IL1RAPL2: variants seen among roughly 807,000 people sequenced by gnomAD.
IL1RAPL2 encodes X-linked interleukin-1 receptor accessory protein-like 2.
IL1RAPL2 carries 3 observed loss-of-function variants against 44.1 expected under a neutral mutation model. The ratio of observed to expected loss-of-function variants is 0.07; its 90% CI spans 0.03 to 0.18. The LOEUF (loss-of-function observed/expected upper bound fraction) is 0.18, where lower values mean the gene tolerates loss of function less well. Ranked by LOEUF, IL1RAPL2 falls within the 10% of genes least tolerant of loss-of-function variation. The probability of loss-of-function intolerance (pLI) is 1.00; values close to 1 mark genes in which losing one functional copy is unlikely to be tolerated. For synonymous variants in IL1RAPL2, 181 were observed against 178.8 expected (o/e 1.01, Z -0.10); for missense variants, 391 against 496.4 (o/e 0.79, Z 2.02).
chrX:104,730,556 C>A (rs1367983860), intron 2 of IL1RAPL2, among the ~76,000 whole-genome samples: 1 of 105,889 alleles, frequency 9.4e-6, no homozygotes, highest in East Asian at 3.0e-4. Flanking sequence ...ATGAACTCAT[C>A]ATTTTTTATG....
intron 6 of IL1RAPL2, among the ~76,000 whole-genome samples, chrX:105,667,462 A>G (rs2037780376): frequency 8.9e-6 from 1 of 112,217 alleles, no homozygotes; most frequent in African/African-American, 3.2e-5. Flanking sequence ...AATTATTCCA[A>G]TCACATTGCA....
At chrX:105,252,461 C>T (rs1018214159) in intron 4 of IL1RAPL2, among the ~76,000 whole-genome samples, 2 of 111,552 alleles carry the variant, frequency 1.8e-5, no homozygotes, top group Non-Finnish European at 3.8e-5. Context: ...TTTTAACAGG[C>T]ATGCCTTTTT....
At chrX:104,634,703 A>C (rs930009680) in intron 1 of IL1RAPL2, among the ~76,000 whole-genome samples, 11 of 111,226 alleles carry the variant, frequency 9.9e-5, no homozygotes, top group South Asian at 3.8e-4. Context: ...CTTGGTAGAT[A>C]TTCCTCCATC....
intron 2 of IL1RAPL2, among the ~76,000 whole-genome samples, chrX:104,716,453 T>C (rs1602694491): frequency 9.0e-6 from 1 of 111,467 alleles, no homozygotes; most frequent in Admixed American, 9.5e-5. Context: ...CTAAAGAGCT[T>C]CTGCACAGCA....
At chrX:105,727,523 A>G (rs1055617808) in intron 7 of IL1RAPL2, among the ~76,000 whole-genome samples, 2 of 111,538 alleles carry the variant, frequency 1.8e-5, no homozygotes, top group African/African-American at 6.5e-5. Context: ...AAGTGCTAGT[A>G]GTGATATTGA....
intron 6 of IL1RAPL2, among the ~76,000 whole-genome samples, chrX:105,655,135 C>T (rs1046466202): frequency 8.9e-6 from 1 of 112,457 alleles, no homozygotes; most frequent in Non-Finnish European, 1.9e-5. Flanking sequence ...TTCTTTCTGC[C>T]GTAAGCCTAA....
At chrX:105,734,745 G>A (rs1435789434) in intron 7 of IL1RAPL2, among the ~76,000 whole-genome samples, 1 of 111,220 alleles carries the variant, frequency 9.0e-6, no homozygotes, top group East Asian at 2.9e-4. Context: ...TTTTAAAATG[G>A]TCACTTTTCC....
intron 2 of IL1RAPL2, among the ~76,000 whole-genome samples, chrX:104,838,835 CTTTCTTTCTTTCTT>C (rs1921816569): frequency 9.5e-5 from 5 of 52,687 alleles, no homozygotes; most frequent in African/African-American, 1.5e-4. Flanking sequence ...TTCTTTCTTT[CTTTCTTTCTTTCTT>C]TTTTTTTTTT....
At chrX:105,154,953 G>T in intron 2 of IL1RAPL2, among the ~76,000 whole-genome samples, 1 of 111,700 alleles carries the variant, frequency 9.0e-6, no homozygotes. Flanking sequence ...GCACGATTCA[G>T]CCTTAAAACT....
At chrX:104,804,201 A>G (rs1932905116) in intron 2 of IL1RAPL2, 1 of 111,981 alleles carries the variant, frequency 8.9e-6, no homozygotes, top group African/African-American at 3.3e-5. Context: ...TACCAGGAAT[A>G]CCTGGACTCA....
intron 6 of IL1RAPL2, among the ~76,000 whole-genome samples, chrX:105,663,295 T>C (rs190617892): frequency 3.1e-4 from 35 of 112,104 alleles, no homozygotes; most frequent in Admixed American, 5.7e-4. Context: ...TATACAAAAG[T>C]ATATTACGAA....
chrX:105,005,996 T>A (rs2030935692), intron 2 of IL1RAPL2, among the ~76,000 whole-genome samples: 1 of 110,894 alleles, frequency 9.0e-6, no homozygotes, highest in Admixed American at 9.7e-5. Flanking sequence ...GCAAAGCAAG[T>A]AAGGGAAATT....
intron 6 of IL1RAPL2, among the ~76,000 whole-genome samples, chrX:105,602,360 A>C (rs1293185510): frequency 9.0e-6 from 1 of 110,575 alleles, no homozygotes. Flanking sequence ...TCTGAATTTA[A>C]AATTAGGTCT....
intron 2 of IL1RAPL2, among the ~76,000 whole-genome samples, chrX:104,924,193 G>A (rs1031121191): frequency 3.6e-5 from 4 of 111,476 alleles, no homozygotes; most frequent in African/African-American, 1.3e-4. Flanking sequence ...AAAAAACACT[G>A]ATAACAATAC....
chrX:105,172,575 C>A (rs1206187617), intron 2 of IL1RAPL2, among the ~76,000 whole-genome samples: 1 of 111,242 alleles, frequency 9.0e-6, no homozygotes, highest in Non-Finnish European at 1.9e-5. Context: ...TCTCAAGTGT[C>A]CCCCCTCCAT....
rs189712183 is a variant in IL1RAPL2, at chrX:104,783,575, C to T, written c.82+124580C>T. 9.1e-5 allele frequency among the ~76,000 whole-genome samples: 10 copies of T among 110,453 alleles called. No individual in the cohort carries two copies. The East Asian group carries it at 2.6e-3, about 28-fold the overall frequency. On this transcript the variant is annotated intron_variant, in intron 2 of 10. Transcript: ENST00000372582. ...ATTGAATTTCTAACTTATGCTGAAA[C>T]GGTGGCTGCTGGTGGCTGTTTGTAT... is the stretch of plus-strand genomic sequence containing the variant.
chrX:104,680,983 G>A (rs1403689070), intron 2 of IL1RAPL2, among the ~76,000 whole-genome samples: 1 of 111,786 alleles, frequency 8.9e-6, no homozygotes, highest in African/African-American at 3.2e-5. Context: ...ATTAACACTG[G>A]GACAGTTCTT....
At chrX:105,122,123 T>G (rs1243133770) in intron 2 of IL1RAPL2, among the ~76,000 whole-genome samples, 2 of 111,615 alleles carry the variant, frequency 1.8e-5, no homozygotes, top group Non-Finnish European at 3.8e-5. Flanking sequence ...CTATTTAATT[T>G]CTGGTCCCTG....
At chrX:105,493,626 C>A (rs971383900) in intron 6 of IL1RAPL2, among the ~76,000 whole-genome samples, 6 of 111,064 alleles carry the variant, frequency 5.4e-5, no homozygotes, top group Non-Finnish European at 1.1e-4. Flanking sequence ...AGAATTTATA[C>A]AACTTGTCCC....
Sources: allele counts gnomAD v4.1 joint callset (sites outside exome capture counted in the v4.1 genomes callset), GRCh38; gene constraint gnomAD v4.1.1; transcripts MANE v1.5; gene names NCBI Gene and HGNC (gene_info 2026-07-23, HGNC 2026-07-21).